CAST: variants seen among roughly 807,000 people sequenced by gnomAD.
CAST encodes the protein calpastatin.
Under a neutral mutation model 119.6 loss-of-function variants are expected in CAST, and 76 were observed. That is an observed-to-expected ratio of 0.64 (90% CI 0.53 to 0.77). The LOEUF is 0.77. Among genes scored for constraint, CAST ranks in the 30% least tolerant of loss-of-function variants. The pLI is 0.00. For synonymous variants in CAST, 319 were observed against 331.6 expected (o/e 0.96, Z 0.41); for missense variants, 953 against 946.5 (o/e 1.01, Z -0.09).
chr5:96,159,126 G>A, the CAST span, among the ~76,000 whole-genome samples: 1 of 152,120 alleles, frequency 6.6e-6, no homozygotes, highest in East Asian at 1.9e-4. Flanking sequence ...ATTCCACTGT[G>A]GGAAGTATAC....
chr5:96,373,557 C>T, the CAST span, among the ~76,000 whole-genome samples: 1 of 152,106 alleles, frequency 6.6e-6, no homozygotes, highest in African/African-American at 2.4e-5. Flanking sequence ...TGCTTCATAT[C>T]CTGGATGCAT....
At chr5:96,315,134 T>A in the CAST span, among the ~76,000 whole-genome samples, 1 of 152,210 alleles carries the variant, frequency 6.6e-6, no homozygotes. Flanking sequence ...GACTCTTGTC[T>A]CCATTGTTAA....
In CAST at chr5:96,631,094, C is replaced by G. The variant is rs1298238233; in HGVS notation, c.61-44445C>G. The stretch of plus-strand genomic sequence containing the variant: ...TTTCTTAAAGACTCAATGTAAGCAT[C>G]TCCTCCTTTTTAAGTAGCATTTTTT... On this transcript the variant is annotated intron_variant, in intron 1 of 11. Transcript: ENST00000505143. 13 of 140,670 alleles carry G rather than the reference C, an allele frequency of 9.2e-5. 1 individual carries two copies. Among genetic ancestry groups the G allele is most frequent in the African/African-American group, 3.3e-4 (13 of 39,802 alleles). 8.7% of individuals were successfully genotyped at this position (140,670 alleles called of 1,614,324 possible).
At chr5:96,228,141 C>T in the CAST span, among the ~76,000 whole-genome samples, 1 of 152,014 alleles carries the variant, frequency 6.6e-6, no homozygotes, top group South Asian at 2.1e-4. Context: ...TATGAGGTGG[C>T]AAGACTAAGA....
At chr5:96,265,450 A>G in the CAST span, among the ~76,000 whole-genome samples, 6 of 152,112 alleles carry the variant, frequency 3.9e-5, no homozygotes, top group African/African-American at 1.4e-4. Flanking sequence ...TAGAGGTTGG[A>G]GAAGGCCAGC....
the CAST span, chr5:96,412,546 C>T: frequency 6.9e-7 from 1 of 1,452,174 alleles, no homozygotes; most frequent in Non-Finnish European, 9.7e-7. Context: ...TGTACATGGA[C>T]AAAAGCCCAA....
chr5:96,570,280 T>C (rs1279682871), intron 1 of CAST, among the ~76,000 whole-genome samples: 1 of 152,148 alleles, frequency 6.6e-6, no homozygotes, highest in Non-Finnish European at 1.5e-5. Flanking sequence ...ATAAAAATAA[T>C]AGCATTTAGG....
chr5:96,309,554 T>C, the CAST span, among the ~76,000 whole-genome samples: 3 of 152,266 alleles, frequency 2.0e-5, no homozygotes, highest in Admixed American at 6.5e-5. Flanking sequence ...CTCCTAGTTT[T>C]GTGCTTGAAA....
the CAST span, among the ~76,000 whole-genome samples, chr5:96,394,210 G>A: frequency 1.9e-4 from 29 of 152,192 alleles, no homozygotes; most frequent in Non-Finnish European, 4.3e-4. Flanking sequence ...GAGGCACTGT[G>A]CTAGATGCTG....
the CAST span, among the ~76,000 whole-genome samples, chr5:96,472,524 G>A: frequency 6.6e-6 from 1 of 152,134 alleles, no homozygotes; most frequent in East Asian, 1.9e-4. Flanking sequence ...CTCAAAAGTT[G>A]TTTCAGAATT....
chr5:96,327,744 G>A, the CAST span, among the ~76,000 whole-genome samples: 11 of 152,166 alleles, frequency 7.2e-5, no homozygotes, highest in Admixed American at 7.2e-4. Flanking sequence ...GTGACCAATG[G>A]ATCAGAGATC....
chr5:96,128,607 A>G, the CAST span, among the ~76,000 whole-genome samples: 1 of 152,142 alleles, frequency 6.6e-6, no homozygotes, highest in Non-Finnish European at 1.5e-5. Context: ...TGAGGTTCGC[A>G]TGAGAGAAGC....
chr5:96,606,426 A>G (rs1747256121), intron 1 of CAST, among the ~76,000 whole-genome samples: 1 of 152,218 alleles, frequency 6.6e-6, no homozygotes, highest in Non-Finnish European at 1.5e-5. Flanking sequence ...AATAAAATGC[A>G]TAGTGTACTC....
At chr5:96,426,296 T>C in the CAST span, among the ~76,000 whole-genome samples, 168 of 152,344 alleles carry the variant, frequency 1.1e-3, no homozygotes, top group Non-Finnish European at 1.9e-3. Context: ...AAAATTTGTC[T>C]GCTTTTATGG....
the CAST span, among the ~76,000 whole-genome samples, chr5:96,195,137 T>C: frequency 2.6e-5 from 4 of 152,292 alleles, no homozygotes; most frequent in East Asian, 5.8e-4. Flanking sequence ...CATTTCAGTT[T>C]AATATAAACA....
At chr5:96,051,699 C>T in the CAST span, among the ~76,000 whole-genome samples, 3 of 152,086 alleles carry the variant, frequency 2.0e-5, no homozygotes, top group African/African-American at 4.8e-5. Flanking sequence ...AGCCAGATTT[C>T]CTGCCAGAAA....
the CAST span, chr5:96,432,206 C>T: frequency 5.3e-6 from 7 of 1,321,578 alleles, no homozygotes; most frequent in African/African-American, 1.5e-5. Context: ...AGTGAAAAGC[C>T]GGAGCTCCCT....
At chr5:96,388,964 A>G in the CAST span, among the ~76,000 whole-genome samples, 1 of 152,134 alleles carries the variant, frequency 6.6e-6, no homozygotes, top group African/African-American at 2.4e-5. Flanking sequence ...GAATGAACCT[A>G]GAGTATATTA....
chr5:96,733,666 TCAGGAGCTCAAGAC>T (rs1266185656), intron 9 of CAST, among the ~76,000 whole-genome samples: 1 of 152,070 alleles, frequency 6.6e-6, no homozygotes, highest in Non-Finnish European at 1.5e-5. Flanking sequence ...TCACCTGAGG[TCAGGAGCTCAAGAC>T]CAGCCTGACC....
Sources: allele counts gnomAD v4.1 joint callset (sites outside exome capture counted in the v4.1 genomes callset), GRCh38; gene constraint gnomAD v4.1.1; transcripts MANE v1.5; gene names NCBI Gene and HGNC (gene_info 2026-07-23, HGNC 2026-07-21).